RNASE1: variants seen among roughly 807,000 people sequenced by gnomAD.
RNASE1 encodes the protein ribonuclease A family member 1, pancreatic, also known as ribonuclease pancreatic.
For synonymous variants in RNASE1, 64 were observed against 78.6 expected (o/e 0.81, Z 0.98); for missense variants, 203 against 201.0 (o/e 1.01, Z -0.06).
In RNASE1 at chr14:20,802,069, G is replaced by T. The variant is rs1177086086; in HGVS notation, c.-1C>A. The T allele has an allele frequency of 1.5e-5, 24 of 1,582,936 alleles. No homozygotes were observed. The highest frequency in any genetic ancestry group is 2.0e-5 in the Non-Finnish European group (23 of 1,171,116). On this transcript the variant is annotated 5_prime_UTR_variant, in exon 2 of 2. Coordinates refer to ENST00000397967, the MANE Select transcript of RNASE1 (RefSeq NM_002933.5). ...GGACAAGAGACTTCTCCAGAGCCATGGTGGCCTCACTTTCCCAGAAAAGCC... is the reference window on the plus strand; with the variant it reads ...GGACAAGAGACTTCTCCAGAGCCATTGTGGCCTCACTTTCCCAGAAAAGCC...
In RNASE1 at chr14:20,801,789, T is replaced by G; in HGVS notation, c.280A>C (p.Lys94Gln). The change falls in exon 2 of 2, where the codon AAG becomes CAG. Residue 94 changes from lysine (K) to glutamine (Q), a missense_variant. Lys to Gln is a moderately conservative substitution (Grantham distance 53). Coordinates refer to ENST00000397967, the MANE Select transcript of RNASE1 (RefSeq NM_002933.5). The part of the protein sequence containing the change: ...NVCFQEKVTC[K>Q]NGQGNCYKSN... ...TTGTAGCAGTTGCCCTGCCCGTTCT[T>G]GCAGGTGACCTTTTCCTGGAAACAG... The G allele has an allele frequency of 6.2e-7, 1 of 1,614,210 alleles. No homozygotes were observed. Among genetic ancestry groups the G allele is most frequent in the Non-Finnish European group, 8.5e-7 (1 of 1,180,044 alleles).
In RNASE1 at chr14:20,801,494, A is replaced by T. The variant is rs1210188866; in HGVS notation, c.*104T>A. The stretch of plus-strand genomic sequence containing the variant: ...GGGAAGCATGTGTGTGTTGAATAGG[A>T]GCCCTAACTGTAGTTACTTCTTTCA... On this transcript the variant is annotated 3_prime_UTR_variant, in exon 2 of 2. Transcript: ENST00000397967. 1 of 946,186 alleles carries T rather than the reference A, an allele frequency of 1.1e-6. No individual in the cohort carries two copies. The highest frequency in any genetic ancestry group is 1.6e-6 in the Non-Finnish European group (1 of 607,468). 58.6% of individuals were successfully genotyped at this position (946,186 alleles called of 1,614,324 possible). A position where few individuals can be genotyped will look rare whatever the true frequency, so the allele number is the denominator to read the frequency against.
At chr14:20,802,219 C>T in intron 1 of RNASE1, 126 bp from the exon 2 acceptor site, 2 of 645,712 alleles carry the variant, frequency 3.1e-6, no homozygotes, top group Non-Finnish European at 5.2e-6. Flanking sequence ...ATCCTACTTC[C>T]TGAGGTTTTT....
In RNASE1 at chr14:20,801,276, A is replaced by G. The variant is rs1349532517; in HGVS notation, c.*322T>C. 1 of 309,428 alleles carries G rather than the reference A, an allele frequency of 3.2e-6. No homozygotes were observed. Among genetic ancestry groups the G allele is most frequent in the Non-Finnish European group, 6.1e-6 (1 of 164,676 alleles). 19.2% of individuals were successfully genotyped at this position (309,428 alleles called of 1,614,324 possible). The stretch of plus-strand genomic sequence containing the variant: ...TAATTACTCCATTCACCGTTCTCCA[A>G]AGTGAATCAGATTTACAGTTCTTAC... On this transcript the variant is annotated 3_prime_UTR_variant, in exon 2 of 2. Coordinates refer to ENST00000397967, the MANE Select transcript of RNASE1 (RefSeq NM_002933.5).
At position 20,801,575 on chromosome 14, in the gene RNASE1, T is replaced by G. The variant is rs1594273199; in HGVS notation, c.*23A>C. ...GTGGAGAGGATGAGGTTGAGGGAGG[T>G]GGGGTATCTCGCTGCTCTGACCTTA... On this transcript the variant is annotated 3_prime_UTR_variant, in exon 2 of 2. Transcript: ENST00000397967. 1 of 1,584,890 alleles carries G rather than the reference T, an allele frequency of 6.3e-7. No homozygotes were observed. Among genetic ancestry groups the G allele is most frequent in the East Asian group, 2.3e-5 (1 of 44,392 alleles).
chr14:20,801,775 G>C lies in RNASE1; in HGVS notation c.294C>G (p.Gly98=). The C allele has an allele frequency of 6.2e-7, 1 of 1,614,172 alleles. No individual in the cohort carries two copies. The highest frequency in any genetic ancestry group is 8.5e-7 in the Non-Finnish European group (1 of 1,180,030). Residue 98 remains glycine (G), a synonymous_variant, in exon 2 of 2, where the codon GGC becomes GGG. Transcript: ENST00000397967. ...QEKVTCKNGQ[G]NCYKSNSSMH... Reference sequence around the variant, plus strand: ...TGCTGGAGTTGCTCTTGTAGCAGTTGCCCTGCCCGTTCTTGCAGGTGACCT... The same window carrying C: ...TGCTGGAGTTGCTCTTGTAGCAGTTCCCCTGCCCGTTCTTGCAGGTGACCT...
chr14:20,801,868 C>T lies in RNASE1; in HGVS notation c.201G>A (p.Arg67=). Residue 67 remains arginine (R), a synonymous_variant, in exon 2 of 2, where the codon CGG becomes CGA. Coordinates refer to ENST00000397967, the MANE Select transcript of RNASE1 (RefSeq NM_002933.5). ...MMRRRNMTQG[R]CKPVNTFVHE... is the part of the protein sequence containing the mutation. ...GCACAAAGGTGTTCACTGGTTTGCACCGCCCCTGTGTCATATTCCGGCGCC... is the reference window on the plus strand; with the variant it reads ...GCACAAAGGTGTTCACTGGTTTGCATCGCCCCTGTGTCATATTCCGGCGCC... The T allele has an allele frequency of 6.2e-7, 1 of 1,614,164 alleles. No individual in the cohort carries two copies. Among genetic ancestry groups the T allele is most frequent in the South Asian group, 1.1e-5 (1 of 91,074 alleles).
In RNASE1 at chr14:20,801,278, G is replaced by C; in HGVS notation, c.*320C>G. Reference sequence around the variant, plus strand: ...ATTACTCCATTCACCGTTCTCCAAAGTGAATCAGATTTACAGTTCTTACCC... The same window carrying C: ...ATTACTCCATTCACCGTTCTCCAAACTGAATCAGATTTACAGTTCTTACCC... On this transcript the variant is annotated 3_prime_UTR_variant, in exon 2 of 2. Coordinates refer to ENST00000397967, the MANE Select transcript of RNASE1 (RefSeq NM_002933.5). 1 of 313,058 alleles carries C rather than the reference G, an allele frequency of 3.2e-6. No homozygotes were observed. The highest frequency in any genetic ancestry group is 6.0e-6 in the Non-Finnish European group (1 of 166,990). The allele number at this position is 313,058 out of a possible 1,614,324, so 19.4% of individuals were successfully genotyped here.
Position 20,801,711 on chromosome 14 carries a change from A to G in RNASE1, c.358T>C (p.Tyr120His), listed in dbSNP as rs143064811. 3.0e-4 allele frequency: 479 copies of G among 1,614,118 alleles called. 2 individuals carry two copies. In the African/African-American group the frequency reaches 5.5e-3, roughly 19 times the overall value. The change falls in exon 2 of 2, where the codon TAC (tyrosine) becomes CAC (histidine). Residue 120 changes from tyrosine to histidine, a missense_variant. Transcript: ENST00000397967. ...CTGGTCCGGTATGCACAGTTGGGGT[A>G]CCTGGAGCCGTTTGTCAGGCGGCAG... is the stretch of plus-strand genomic sequence containing the variant. ...TDCRLTNGSR[Y>H]PNCAYRTSPK...
In RNASE1 at chr14:20,802,029, C is replaced by A. The variant is rs773558626; in HGVS notation, c.40G>T (p.Val14Phe). Residue 14 changes from valine (V) to phenylalanine (F), a missense_variant, in exon 2 of 2, where the codon GTC becomes TTC. Val to Phe is a conservative substitution (Grantham distance 50). Transcript: ENST00000397967. ...CAGCCCAGCACCAGCAGTATCAGGACAAGCAGAAGGAGCCGGACAAGAGAC... is the reference window on the plus strand; with the variant it reads ...CAGCCCAGCACCAGCAGTATCAGGAAAAGCAGAAGGAGCCGGACAAGAGAC... ...EKSLVRLLLLVLILLVLGWVQ... is the reference protein window; with the variant it reads ...EKSLVRLLLLFLILLVLGWVQ... The A allele has an allele frequency of 3.3e-5, 53 of 1,605,556 alleles. No individual in the cohort carries two copies. Among genetic ancestry groups the A allele is most frequent in the Non-Finnish European group, 3.7e-5 (44 of 1,179,816 alleles).
chr14:20,802,020 G>GT lies in RNASE1; in HGVS notation c.48dup (p.Leu17ThrfsTer39). 1 of 1,607,734 alleles carries GT rather than the reference G, an allele frequency of 6.2e-7. No homozygotes were observed. Among genetic ancestry groups the GT allele is most frequent in the Non-Finnish European group, 8.5e-7 (1 of 1,179,922 alleles). ...GGCTGGACCCAGCCCAGCACCAGCA[G>GT]TATCAGGACAAGCAGAAGGAGCCGG... On this transcript the variant is annotated frameshift_variant, in exon 2 of 2. Coordinates refer to ENST00000397967, the MANE Select transcript of RNASE1 (RefSeq NM_002933.5). LOFTEE classifies it low-confidence loss of function (END_TRUNC).
In RNASE1 at chr14:20,801,460, C is replaced by G. The variant is rs1879381413; in HGVS notation, c.*138G>C. On this transcript the variant is annotated 3_prime_UTR_variant, in exon 2 of 2. Coordinates refer to ENST00000397967, the MANE Select transcript of RNASE1 (RefSeq NM_002933.5). ...CCCCCAAAATCACGCAGGGATGGGA[C>G]TCAGGAAAGGGAAGCATGTGTGTGT... is the stretch of plus-strand genomic sequence containing the variant. 8.1e-6 allele frequency: 6 copies of G among 741,202 alleles called. No individual in the cohort carries two copies. In the South Asian group the frequency reaches 9.0e-5, roughly 11 times the overall value. 45.9% of individuals were successfully genotyped at this position (741,202 alleles called of 1,614,324 possible). A position where few individuals can be genotyped will look rare whatever the true frequency, so the allele number is the denominator to read the frequency against.
rs879793368 is a variant in RNASE1 at position 20,801,630 on chromosome 14, G to A, written c.439C>T (p.His147Tyr). ...GAGTCCTCCACAGAAGCATCAAAGT[G>A]GACTGGCACATATGGGCTCCCTTCA... ...ACEGSPYVPVHFDASVEDST is the reference protein window; with the variant it reads ...ACEGSPYVPVYFDASVEDST The change falls in exon 2 of 2, where the codon CAC becomes TAC. Residue 147 changes from histidine to tyrosine, a missense_variant. His to Tyr is a moderately conservative substitution (Grantham distance 83). Transcript: ENST00000397967. 1.9e-6 allele frequency: 3 copies of A among 1,614,072 alleles called. No homozygotes were observed. The highest frequency in any genetic ancestry group is 2.5e-6 in the Non-Finnish European group (3 of 1,179,960).
chr14:20,801,728 A>T lies in RNASE1; in HGVS notation c.341T>A (p.Leu114Gln). The change falls in exon 2 of 2, where the codon CTG becomes CAG. Residue 114 changes from leucine (L) to glutamine (Q), a missense_variant. Transcript: ENST00000397967. ...NSSMHITDCR[L>Q]TNGSRYPNCA... ...GTTGGGGTACCTGGAGCCGTTTGTC[A>T]GGCGGCAGTCTGTGATGTGCATGCT... 1.9e-6 allele frequency: 3 copies of T among 1,614,168 alleles called. No individual in the cohort carries two copies. Among genetic ancestry groups the T allele is most frequent in the Non-Finnish European group, 2.5e-6 (3 of 1,180,022 alleles).
In RNASE1 at chr14:20,801,606, A is replaced by G. The variant is rs1446002099; in HGVS notation, c.463T>C (p.Ser155Pro). 6.2e-7 allele frequency: 1 copy of G among 1,612,018 alleles called. No individual in the cohort carries two copies. Residue 155 changes from serine to proline, a missense_variant, in exon 2 of 2, where the codon TCT (serine) becomes CCT (proline). By Grantham distance (74) the Ser-to-Pro change is moderately conservative. Coordinates refer to ENST00000397967, the MANE Select transcript of RNASE1 (RefSeq NM_002933.5). ...PVHFDASVED[S>P]T The stretch of plus-strand genomic sequence containing the variant: ...ATCTCGCTGCTCTGACCTTAGGTAG[A>G]GTCCTCCACAGAAGCATCAAAGTGG...
intron 1 of RNASE1, 45 bp from the exon 2 acceptor site, chr14:20,802,138 A>G: frequency 8.2e-7 from 1 of 1,223,950 alleles, no homozygotes; most frequent in Non-Finnish European, 1.1e-6. Flanking sequence ...CTCTTAGAAA[A>G]AGAACTCCAG....
Position 20,801,753 on chromosome 14 carries a change from T to C in RNASE1, c.316A>G (p.Ser106Gly). ...AGGCGGCAGTCTGTGATGTGCATGC[T>C]GGAGTTGCTCTTGTAGCAGTTGCCC... ...GQGNCYKSNS[S>G]MHITDCRLTN... The change falls in exon 2 of 2, where the codon AGC becomes GGC. Residue 106 changes from serine (S) to glycine (G), a missense_variant. By Grantham distance (56) the Ser-to-Gly change is moderately conservative (BLOSUM62 0). Transcript: ENST00000397967. 1 of 1,614,218 alleles carries C rather than the reference T, an allele frequency of 6.2e-7. No homozygotes were observed. The highest frequency in any genetic ancestry group is 1.1e-5 in the South Asian group (1 of 91,088).
chr14:20,802,367 A>G (rs1445600772), intron 1 of RNASE1: 13 of 307,236 alleles, frequency 4.2e-5, no homozygotes, highest in African/African-American at 2.5e-4. Flanking sequence ...TGAATACTGG[A>G]GTTTCTTTGA....
chr14:20,801,400 G>T lies in RNASE1; in HGVS notation c.*198C>A, dbSNP rs1879379121. On this transcript the variant is annotated 3_prime_UTR_variant, in exon 2 of 2. Coordinates refer to ENST00000397967, the MANE Select transcript of RNASE1 (RefSeq NM_002933.5). The stretch of plus-strand genomic sequence containing the variant: ...TTTTATTGAAAGAAAGAGTGGAGGG[G>T]TTAACATGGGGCCCACCTCACAACC... 1 of 594,956 alleles carries T rather than the reference G, an allele frequency of 1.7e-6. No individual in the cohort carries two copies. The highest frequency in any genetic ancestry group is 3.0e-5 in the Admixed American group (1 of 33,828). The allele number at this position is 594,956 out of a possible 1,614,324, so 36.9% of individuals were successfully genotyped here. A position where few individuals can be genotyped will look rare whatever the true frequency, so the allele number is the denominator to read the frequency against.
Sources: gnomAD v4.1 joint callset for allele counts on GRCh38, gnomAD v4.1.1 for gene constraint, MANE v1.5 for transcripts, NCBI Gene and HGNC (gene_info 2026-07-23, HGNC 2026-07-21) for gene names.